The following SIK3 variants were observed in gnomAD, a reference collection of about 807,000 sequenced individuals.
SIK3 encodes the protein SIK family kinase 3, also known as serine/threonine-protein kinase SIK3.
A neutral mutation model predicts 144.2 loss-of-function variants in SIK3; 28 were observed. The observed-to-expected ratio is 0.19, with a 90% CI of 0.14 to 0.27. The LOEUF (loss-of-function observed/expected upper bound fraction) is 0.27, where lower values mean the gene tolerates loss of function less well. SIK3 is among the 10% of genes least tolerant of loss of function. The pLI is 1.00. For synonymous variants in SIK3, 686 were observed against 676.3 expected (o/e 1.01, Z -0.22); for missense variants, 1,319 against 1,776.0 (o/e 0.74, Z 4.62).
chr11:116,977,410 AAAG>A (rs1377955022), intron 1 of SIK3, among the ~76,000 whole-genome samples: 1 of 152,142 alleles, frequency 6.6e-6, no homozygotes, highest in Non-Finnish European at 1.5e-5. Context: ...TGGGCTCTTC[AAAG>A]AAGAATAGAT....
chr11:117,065,457 TTTGAAAACAATCC>T (rs1450051679), intron 1 of SIK3, among the ~76,000 whole-genome samples: 8 of 152,068 alleles, frequency 5.3e-5, no homozygotes, highest in African/African-American at 1.4e-4. Flanking sequence ...CTCAATAACT[TTTGAAAACAATCC>T]ATGAAAACGA....
Position 116,963,492 on chromosome 11 carries a change from C to T in SIK3, c.274-6428G>A, listed in dbSNP as rs145388534. Among the ~76,000 whole-genome samples, 98 of 152,312 alleles carry T rather than the reference C, an allele frequency of 6.4e-4. 1 individual carries two copies. The East Asian group carries it at 0.017, about 27-fold the overall frequency. ...TCATCAGAGCAATTGCAGCATCATA[C>T]ATAGCATAGTCTCTGGAAATCTCTA... On this transcript the variant is annotated intron_variant, in intron 1 of 24. Transcript: ENST00000445177.
In SIK3 at chr11:116,863,687, C is replaced by T; in HGVS notation, c.2084G>A (p.Ser695Asn). ...CATTACCTGCTGCAGCTGTTTGATGCTGCTGTTGTTGCCCATTTTTTCCAG... is the reference window on the plus strand; with the variant it reads ...CATTACCTGCTGCAGCTGTTTGATGTTGCTGTTGTTGCCCATTTTTTCCAG... ...AHLEKMGNNS[S>N]IKQLQQECEQ... Residue 695 changes from serine to asparagine, a missense_variant, in exon 16 of 25, where the codon AGC (serine) becomes AAC (asparagine). This residue lies in a region of SIK3 where 77 missense variants were observed against 141.9 expected (regional missense o/e 0.54). Coordinates refer to ENST00000445177, the MANE Select transcript of SIK3 (RefSeq NM_001366686.3). The T allele has an allele frequency of 6.2e-7, 1 of 1,614,154 alleles. No individual in the cohort carries two copies. The highest frequency in any genetic ancestry group is 8.5e-7 in the Non-Finnish European group (1 of 1,180,024).
chr11:117,080,995 T>C (rs1954759555), intron 1 of SIK3, among the ~76,000 whole-genome samples: 2 of 152,076 alleles, frequency 1.3e-5, no homozygotes, highest in Admixed American at 1.3e-4. Flanking sequence ...ATCAATAGGC[T>C]ACTATGTAAA....
At chr11:117,043,576 T>A (rs959678341) in intron 1 of SIK3, among the ~76,000 whole-genome samples, 2 of 152,232 alleles carry the variant, frequency 1.3e-5, no homozygotes, top group African/African-American at 4.8e-5. Flanking sequence ...GAACTCTTCA[T>A]AATCCTGCTA....
rs750943806 is a variant in SIK3, at chr11:117,098,291, G to C, written c.125C>G (p.Ser42Cys). 1 of 1,246,058 alleles carries C rather than the reference G, an allele frequency of 8.0e-7. No individual in the cohort carries two copies. The highest frequency in any genetic ancestry group is 1.0e-6 in the Non-Finnish European group (1 of 987,688). The allele number at this position is 1,246,058 out of a possible 1,614,324, so 77.2% of individuals were successfully genotyped here. A position where few individuals can be genotyped will look rare whatever the true frequency, so the allele number is the denominator to read the frequency against. ...GGGACGCGGCTGGCCGGCCGCAGGG[G>C]ACACGGCAGCGGGGGCGGCTGGGGA... Reference protein sequence around the residue: ...PGSPAAPAAVSPAAGQPRPPA... With the variant: ...PGSPAAPAAVCPAAGQPRPPA... Residue 42 changes from serine to cysteine, a missense_variant, in exon 1 of 25, where the codon TCC becomes TGC. Transcript: ENST00000445177.
intron 19 of SIK3, among the ~76,000 whole-genome samples, chr11:116,860,065 C>A (rs535641285): frequency 6.6e-6 from 1 of 151,986 alleles, no homozygotes; most frequent in Non-Finnish European, 1.5e-5. Flanking sequence ...GCCACCATGG[C>A]GAAACCCTGT....
chr11:117,011,664 T>G (rs950358854), intron 1 of SIK3, among the ~76,000 whole-genome samples: 1 of 152,214 alleles, frequency 6.6e-6, no homozygotes, highest in Non-Finnish European at 1.5e-5. Flanking sequence ...CTGCAAGGTA[T>G]AGCTGAACAA....
At chr11:116,935,932 T>C (rs191125224) in intron 3 of SIK3, among the ~76,000 whole-genome samples, 1 of 152,202 alleles carries the variant, frequency 6.6e-6, no homozygotes, top group East Asian at 1.9e-4. Context: ...AGCTCCAAAC[T>C]CCTGTTTTCA....
chr11:116,986,384 G>C (rs1022813115), intron 1 of SIK3, among the ~76,000 whole-genome samples: 3 of 152,060 alleles, frequency 2.0e-5, no homozygotes, highest in African/African-American at 7.2e-5. Context: ...AGCTGTTCTT[G>C]TTGTTGTTAT....
intron 15 of SIK3, 164 bp from the exon 16 acceptor site, chr11:116,863,982 C>A: frequency 1.5e-6 from 1 of 645,494 alleles, no homozygotes; most frequent in Non-Finnish European, 2.6e-6. Flanking sequence ...GTTTCCCTAG[C>A]CTGCTTCCCT....
intron 1 of SIK3, among the ~76,000 whole-genome samples, chr11:117,090,775 T>C (rs117592996): frequency 3.3e-5 from 5 of 152,218 alleles, no homozygotes; most frequent in African/African-American, 7.2e-5. Context: ...AGTGGACCCA[T>C]AGGGTACTAA....
At chr11:117,034,163 T>A (rs1419158069) in intron 1 of SIK3, among the ~76,000 whole-genome samples, 1 of 152,162 alleles carries the variant, frequency 6.6e-6, no homozygotes, top group Non-Finnish European at 1.5e-5. Context: ...TAGCACTGTA[T>A]AAGTTATCAC....
At chr11:116,995,382 G>A (rs888900239) in intron 1 of SIK3, among the ~76,000 whole-genome samples, 2 of 151,772 alleles carry the variant, frequency 1.3e-5, no homozygotes, top group Admixed American at 1.3e-4. Flanking sequence ...TCCCGCCTCA[G>A]CCTCCCGAGT....
intron 1 of SIK3, among the ~76,000 whole-genome samples, chr11:117,033,021 G>T (rs1390393434): frequency 6.6e-6 from 1 of 152,140 alleles, no homozygotes; most frequent in African/African-American, 2.4e-5. Context: ...ACACCCATGA[G>T]GTTAACCTGC....
At chr11:117,023,601 C>CAAAA (rs1565567566) in intron 1 of SIK3, among the ~76,000 whole-genome samples, 1 of 36,404 alleles carries the variant, frequency 2.7e-5, no homozygotes, top group Admixed American at 2.6e-4. Flanking sequence ...AACAAACAAA[C>CAAAA]AAACAAACAA....
intron 1 of SIK3, among the ~76,000 whole-genome samples, chr11:117,081,323 TA>T (rs1480362137): frequency 2.0e-5 from 3 of 152,162 alleles, no homozygotes; most frequent in Non-Finnish European, 2.9e-5. Context: ...CAGATGTTTT[TA>T]AAGTCTTTGA....
chr11:117,070,997 G>A (rs1469453064), intron 1 of SIK3, among the ~76,000 whole-genome samples: 1 of 151,952 alleles, frequency 6.6e-6, no homozygotes, highest in East Asian at 1.9e-4. Context: ...CCAAAGTGCT[G>A]AGATTACAAG....
intron 1 of SIK3, chr11:117,015,970 T>C (rs1000654919): frequency 1.3e-5 from 2 of 152,072 alleles, no homozygotes; most frequent in Admixed American, 1.3e-4. Context: ...CAACCCCCCA[T>C]TGCTAAATTT....
Sources: gnomAD v4.1 joint callset for allele counts (sites outside exome capture counted in the v4.1 genomes callset) on GRCh38, gnomAD v4.1.1 for gene constraint, gnomAD v4.1.1 regional missense constraint, MANE v1.5 for transcripts, NCBI Gene and HGNC (gene_info 2026-07-23, HGNC 2026-07-21) for gene names.